KCNMA1: variants seen among roughly 807,000 people sequenced by gnomAD.
KCNMA1 encodes the protein potassium calcium-activated channel subfamily M alpha 1.
Under a neutral mutation model 140.0 loss-of-function variants are expected in KCNMA1, and 29 were observed. That is an observed-to-expected ratio of 0.21 (90% CI 0.15 to 0.28). The LOEUF is 0.28. KCNMA1 is among the 10% of genes least tolerant of loss of function. The pLI, the probability that KCNMA1 is intolerant of heterozygous loss-of-function variation, is 1.00. For missense variants in KCNMA1, 880 were observed against 1,602.2 expected (o/e 0.55, Z 7.70); for synonymous variants, 612 against 611.9 (o/e 1.00, Z 0.00).
intron 1 of KCNMA1, among the ~76,000 whole-genome samples, chr10:77,540,543 C>T (rs2059936698): frequency 6.6e-6 from 1 of 152,126 alleles, no homozygotes; most frequent in Non-Finnish European, 1.5e-5. Context: ...AATTGTAGTG[C>T]TGGCAGTAGT....
chr10:77,398,891 A>T (rs1357483612), intron 2 of KCNMA1, among the ~76,000 whole-genome samples: 2 of 152,248 alleles, frequency 1.3e-5, no homozygotes, highest in Non-Finnish European at 2.9e-5. Context: ...TTTATTTAGA[A>T]ACCACCTTAT....
intron 1 of KCNMA1, among the ~76,000 whole-genome samples, chr10:77,530,127 C>A (rs988868440): frequency 6.6e-6 from 1 of 152,208 alleles, no homozygotes; most frequent in Non-Finnish European, 1.5e-5. Context: ...CTAACTAACA[C>A]GAGAAGGCCA....
chr10:77,073,102 T>C lies in KCNMA1; in HGVS notation c.1744A>G (p.Ile582Val), dbSNP rs2096270686. The change falls in exon 14 of 28, where the codon ATA becomes GTA. Residue 582 changes from isoleucine (I) to valine (V), a missense_variant. By Grantham distance (29) the Ile-to-Val change is conservative. Around this residue, in one of 13 missense-constraint regions of KCNMA1, gnomAD observed 198 missense variants for 580.1 expected, o/e 0.34. Coordinates refer to ENST00000286628, the MANE Select transcript of KCNMA1 (RefSeq NM_001161352.2). Reference protein sequence around the residue: ...LANLFSMRSFIKIEEDTWQKY... With the variant: ...LANLFSMRSFVKIEEDTWQKY... ...CTAATAAGACGAGACGTTACCTTTA[T>C]GAATGACCTCATGGAGAAGAGGTTG... 3 of 1,614,130 alleles carry C rather than the reference T, an allele frequency of 1.9e-6. No homozygotes were observed. The highest frequency in any genetic ancestry group is 1.7e-6 in the Non-Finnish European group (2 of 1,179,972).
At chr10:76,988,991 T>A (rs929427532) in intron 19 of KCNMA1, among the ~76,000 whole-genome samples, 1 of 152,102 alleles carries the variant, frequency 6.6e-6, no homozygotes, top group East Asian at 1.9e-4. Flanking sequence ...ACAAATATGA[T>A]GAGGAGGCTC....
intron 14 of KCNMA1, among the ~76,000 whole-genome samples, chr10:77,047,582 A>G (rs2095140187): frequency 7.1e-6 from 1 of 140,626 alleles, no homozygotes; most frequent in Admixed American, 7.3e-5. Context: ...GTGGCAGGAA[A>G]CTGGTCTTTT....
intron 1 of KCNMA1, among the ~76,000 whole-genome samples, chr10:77,576,565 A>G (rs2074186484): frequency 6.6e-6 from 1 of 152,194 alleles, no homozygotes; most frequent in Non-Finnish European, 1.5e-5. Context: ...AGTGTCCACC[A>G]CATGCTGCAT....
At chr10:76,893,403 A>T (rs571723428) in intron 25 of KCNMA1, among the ~76,000 whole-genome samples, 1 of 152,142 alleles carries the variant, frequency 6.6e-6, no homozygotes, top group East Asian at 1.9e-4. Flanking sequence ...GGGCTTTAAA[A>T]ACCAAGCAAG....
chr10:77,300,523 T>A (rs569734331), intron 2 of KCNMA1, among the ~76,000 whole-genome samples: 2 of 152,340 alleles, frequency 1.3e-5, no homozygotes, highest in Non-Finnish European at 2.9e-5. Flanking sequence ...AAATGATTTG[T>A]GAAACTGAGA....
Position 77,324,354 on chromosome 10 carries a change from G to T in KCNMA1, c.541-73098C>A, listed in dbSNP as rs370549804. On this transcript the variant is annotated intron_variant, in intron 2 of 27. Coordinates refer to ENST00000286628, the MANE Select transcript of KCNMA1 (RefSeq NM_001161352.2). ...CAGACCTGTCCCATTGTATCCTAGT[G>T]AGAATTACATGATGTCATGCCATTA... 5.3e-5 allele frequency among the ~76,000 whole-genome samples: 8 copies of T among 152,256 alleles called. 1 individual carries two copies. The East Asian group carries it at 1.4e-3, about 26-fold the overall frequency.
At chr10:77,197,066 A>G (rs2040741126) in intron 3 of KCNMA1, among the ~76,000 whole-genome samples, 1 of 152,224 alleles carries the variant, frequency 6.6e-6, no homozygotes, top group Non-Finnish European at 1.5e-5. Flanking sequence ...AATGATCACA[A>G]TTTACTAATC....
intron 1 of KCNMA1, among the ~76,000 whole-genome samples, chr10:77,486,901 C>G (rs528912706): frequency 6.6e-6 from 1 of 152,198 alleles, no homozygotes; most frequent in South Asian, 2.1e-4. Context: ...GGTTCAGAGG[C>G]CTTCTCCCTC....
rs1191988373 is a variant in KCNMA1, at chr10:76,923,627, T to TATC, written c.2903-8581_2903-8579dup. ...TCTCCGTTTACCCAAGAGCTCATGG[T>TATC]ATCATTGCTTTCTCCACAACATCTC... On this transcript the variant is annotated intron_variant, in intron 23 of 27. Coordinates refer to ENST00000286628, the MANE Select transcript of KCNMA1 (RefSeq NM_001161352.2). Among the ~76,000 whole-genome samples, 14 of 152,270 alleles carry TATC rather than the reference T, an allele frequency of 9.2e-5. No individual in the cohort carries two copies. The East Asian group carries it at 2.7e-3, about 29-fold the overall frequency.
Position 77,052,878 on chromosome 10 carries a change from C to T in KCNMA1, c.1750-13241G>A, listed in dbSNP as rs2095419509. Among the ~76,000 whole-genome samples, 3 of 152,244 alleles carry T rather than the reference C, an allele frequency of 2.0e-5. 1 individual carries two copies. The South Asian group carries it at 6.2e-4, about 32-fold the overall frequency. On this transcript the variant is annotated intron_variant, in intron 14 of 27. Coordinates refer to ENST00000286628, the MANE Select transcript of KCNMA1 (RefSeq NM_001161352.2). ...AATATCTGTCATTACTTGAACATGC[C>T]ATTTGGGAGGAGGAGACTCATCCCT...
At chr10:76,948,619 A>G (rs781362592) in intron 22 of KCNMA1, among the ~76,000 whole-genome samples, 42 of 152,296 alleles carry the variant, frequency 2.8e-4, no homozygotes, top group Admixed American at 7.8e-4. Context: ...ACAACCATGA[A>G]CACGTTGCTG....
chr10:76,945,944 G>A (rs751724226), intron 22 of KCNMA1, among the ~76,000 whole-genome samples: 8 of 151,960 alleles, frequency 5.3e-5, no homozygotes, highest in Non-Finnish European at 1.2e-4. Context: ...GGGGGTGAGG[G>A]GAAAGTTTGC....
intron 2 of KCNMA1, among the ~76,000 whole-genome samples, chr10:77,384,842 A>T (rs768773285): frequency 3.9e-5 from 6 of 152,190 alleles, no homozygotes; most frequent in Non-Finnish European, 7.4e-5. Context: ...CCATTCATTC[A>T]TTCTTTCCTA....
At chr10:77,554,567 A>G (rs1358492959) in intron 1 of KCNMA1, among the ~76,000 whole-genome samples, 1 of 137,062 alleles carries the variant, frequency 7.3e-6, no homozygotes, top group Admixed American at 8.2e-5. Context: ...ACTGCACTCC[A>G]GTCTGGGTGA....
intron 2 of KCNMA1, among the ~76,000 whole-genome samples, chr10:77,382,936 A>G (rs2095456121): frequency 7.1e-6 from 1 of 141,020 alleles, no homozygotes; most frequent in Non-Finnish European, 1.5e-5. Context: ...ATATATACAT[A>G]TATACACATA....
intron 19 of KCNMA1, chr10:76,970,701 G>C (rs1190986194): frequency 5.2e-5 from 8 of 154,454 alleles, no homozygotes; most frequent in African/African-American, 1.9e-4. Context: ...AGGGCTTGTG[G>C]GGCTGTGCCA....
Sources: gnomAD v4.1 joint callset for allele counts (sites outside exome capture counted in the v4.1 genomes callset) on GRCh38, gnomAD v4.1.1 for gene constraint, gnomAD v4.1.1 regional missense constraint, MANE v1.5 for transcripts, NCBI Gene and HGNC (gene_info 2026-07-23, HGNC 2026-07-21) for gene names.